The following SCCPDH variants were observed in gnomAD, a reference collection of about 807,000 sequenced individuals.
SCCPDH encodes the protein saccharopine dehydrogenase (putative), also known as saccharopine dehydrogenase-like oxidoreductase.
SCCPDH carries 34 observed loss-of-function variants against 51.5 expected under a neutral mutation model. That is an observed-to-expected ratio of 0.66 (90% CI 0.50 to 0.88). SCCPDH has a LOEUF of 0.88. SCCPDH is among the 40% of genes least tolerant of loss of function. The pLI is 0.00. For missense variants in SCCPDH, 464 were observed against 527.1 expected (o/e 0.88, Z 1.17); for synonymous variants, 187 against 191.3 (o/e 0.98, Z 0.19).
At chr1:246,741,110 AC>A (rs1330909134) in intron 4 of SCCPDH, among the ~76,000 whole-genome samples, 1 of 152,040 alleles carries the variant, frequency 6.6e-6, no homozygotes, top group Non-Finnish European at 1.5e-5. Context: ...AAACAAAAAA[AC>A]AAAAACAAAA....
chr1:246,742,800 C>T (rs1480807760), intron 4 of SCCPDH, among the ~76,000 whole-genome samples: 1 of 152,078 alleles, frequency 6.6e-6, no homozygotes, highest in Non-Finnish European at 1.5e-5. Flanking sequence ...TGAGAATTAG[C>T]CAGCCCATTA....
chr1:246,761,729 T>C (rs1222579012), intron 9 of SCCPDH, among the ~76,000 whole-genome samples: 6 of 152,244 alleles, frequency 3.9e-5, no homozygotes, highest in Non-Finnish European at 2.9e-5. Flanking sequence ...GTGTTCGAAT[T>C]TCTTTAAGGG....
chr1:246,750,397 AG>A (rs1403935060), intron 5 of SCCPDH, among the ~76,000 whole-genome samples: 2 of 152,198 alleles, frequency 1.3e-5, no homozygotes, highest in African/African-American at 4.8e-5. Flanking sequence ...ACACTTCGTA[AG>A]GGGATAAGCG....
At chr1:246,757,853 A>G (rs1668955531) in intron 5 of SCCPDH, among the ~76,000 whole-genome samples, 1 of 151,868 alleles carries the variant, frequency 6.6e-6, no homozygotes, top group Non-Finnish European at 1.5e-5. Flanking sequence ...GGATCGAGAG[A>G]GGATTAGGGT....
intron 10 of SCCPDH, among the ~76,000 whole-genome samples, chr1:246,765,603 G>A (rs1222451310): frequency 6.6e-6 from 1 of 152,160 alleles, no homozygotes; most frequent in African/African-American, 2.4e-5. Flanking sequence ...TTGTTTTTAA[G>A]TGAAGTGTGT....
chr1:246,745,973 T>C (rs1397752876), intron 5 of SCCPDH, among the ~76,000 whole-genome samples: 1 of 151,848 alleles, frequency 6.6e-6, no homozygotes, highest in Non-Finnish European at 1.5e-5. Context: ...CTGGGCGTGG[T>C]GGCAGGCACC....
chr1:246,740,525 T>C (rs1443145598), intron 4 of SCCPDH, among the ~76,000 whole-genome samples: 2 of 152,252 alleles, frequency 1.3e-5, no homozygotes, highest in Non-Finnish European at 2.9e-5. Flanking sequence ...GATATATTAT[T>C]GTCTCAGTAT....
At chr1:246,765,457 G>C (rs1489864880) in intron 10 of SCCPDH, among the ~76,000 whole-genome samples, 1 of 152,200 alleles carries the variant, frequency 6.6e-6, no homozygotes, top group Admixed American at 6.5e-5. Context: ...ATTCCCACCT[G>C]ACTTTTTAAG....
At chr1:246,750,468 A>G (rs943863746) in intron 5 of SCCPDH, among the ~76,000 whole-genome samples, 3 of 152,172 alleles carry the variant, frequency 2.0e-5, no homozygotes, top group African/African-American at 7.2e-5. Flanking sequence ...CAGCTAGTCC[A>G]TGGCACCCGA....
chr1:246,738,155 C>G (rs1344531468), intron 3 of SCCPDH, among the ~76,000 whole-genome samples: 1 of 152,096 alleles, frequency 6.6e-6, no homozygotes, highest in Non-Finnish European at 1.5e-5. Context: ...AAGATTGCGC[C>G]ACTGCACTCC....
chr1:246,737,362 G>A (rs1285513938), intron 3 of SCCPDH, among the ~76,000 whole-genome samples: 1 of 151,906 alleles, frequency 6.6e-6, no homozygotes, highest in East Asian at 1.9e-4. Context: ...CACACCTGTG[G>A]TCCCACCTAC....
intron 5 of SCCPDH, 121 bp from the exon 6 acceptor site, chr1:246,758,105 C>A (rs934246278): frequency 2.4e-5 from 17 of 721,364 alleles, no homozygotes; most frequent in African/African-American, 3.6e-5. Context: ...ATTATTAAAT[C>A]AGGGATTATG....
intron 6 of SCCPDH, among the ~76,000 whole-genome samples, chr1:246,758,823 T>G (rs945710418): frequency 1.3e-5 from 2 of 150,518 alleles, no homozygotes; most frequent in African/African-American, 4.9e-5. Context: ...AGCGTTCTGG[T>G]TTTTTTTTTC....
intron 2 of SCCPDH, among the ~76,000 whole-genome samples, chr1:246,732,371 T>G (rs749441717): frequency 1.2e-4 from 18 of 151,886 alleles, no homozygotes; most frequent in Non-Finnish European, 2.5e-4. Flanking sequence ...CCAGGATAGG[T>G]AGCATGAAAG....
chr1:246,738,756 G>C (rs779303922), intron 3 of SCCPDH, among the ~76,000 whole-genome samples: 3 of 152,086 alleles, frequency 2.0e-5, no homozygotes, highest in Non-Finnish European at 4.4e-5. Context: ...GGGAAGCTGA[G>C]GCAGCAGAAT....
At chr1:246,737,119 T>G (rs1393155274) in intron 3 of SCCPDH, among the ~76,000 whole-genome samples, 2 of 151,934 alleles carry the variant, frequency 1.3e-5, no homozygotes. Context: ...ATTATCATCA[T>G]CAGCATGCCA....
chr1:246,736,298 T>C (rs1345352203), intron 3 of SCCPDH, among the ~76,000 whole-genome samples: 1 of 152,240 alleles, frequency 6.6e-6, no homozygotes, highest in Non-Finnish European at 1.5e-5. Context: ...GGTCTGTGCT[T>C]ATTATAGCTA....
intron 5 of SCCPDH, among the ~76,000 whole-genome samples, chr1:246,746,766 G>C (rs181673345): frequency 2.0e-5 from 3 of 152,210 alleles, no homozygotes; most frequent in Non-Finnish European, 4.4e-5. Context: ...GCTTGAACTT[G>C]GGAGGCAGAG....
chr1:246,725,584 C>CT (rs1275048386), intron 1 of SCCPDH, among the ~76,000 whole-genome samples: 1 of 152,128 alleles, frequency 6.6e-6, no homozygotes, highest in Non-Finnish European at 1.5e-5. Flanking sequence ...GCTCGGAGTG[C>CT]TTTTGTTCGT....
Sources: gnomAD v4.1 joint callset for allele counts (sites outside exome capture counted in the v4.1 genomes callset) on GRCh38, gnomAD v4.1.1 for gene constraint, MANE v1.5 for transcripts, NCBI Gene and HGNC (gene_info 2026-07-23, HGNC 2026-07-21) for gene names.